USH2A: variants seen among roughly 807,000 people sequenced by gnomAD.
USH2A encodes the protein usherin.
A neutral mutation model predicts 538.9 loss-of-function variants in USH2A; 443 were observed. That is an observed-to-expected ratio of 0.82 (90% CI 0.76 to 0.89). The LOEUF is 0.89. Among genes scored for constraint, USH2A ranks in the 40% least tolerant of loss-of-function variants. The pLI is 0.00. For missense variants in USH2A, 6,633 were observed against 6,324.8 expected (o/e 1.05, Z -1.65); for synonymous variants, 2,413 against 2,273.5 (o/e 1.06, Z -1.75).
At chr1:215,874,076 A>C (rs2102447084) in intron 43 of USH2A, among the ~76,000 whole-genome samples, 1 of 152,294 alleles carries the variant, frequency 6.6e-6, no homozygotes, top group African/African-American at 2.4e-5. Context: ...GGTGCTGAAA[A>C]TTGTGAAGGT....
chr1:215,974,248 C>T (rs1426752163), intron 35 of USH2A, among the ~76,000 whole-genome samples: 1 of 152,064 alleles, frequency 6.6e-6, no homozygotes, highest in African/African-American at 2.4e-5. Context: ...AACAGAGTAA[C>T]AAAAACTAAC....
At chr1:215,952,571 T>C (rs579605) in intron 37 of USH2A, among the ~76,000 whole-genome samples, 129,225 of 152,088 alleles carry the variant, frequency 0.85, 55,044 homozygotes, top group East Asian at 0.98. Flanking sequence ...TTAGGGCAGG[T>C]GTGGTGGTGA....
chr1:215,782,276 T>A (rs978907713), intron 53 of USH2A, 80 bp from the exon 54 acceptor site: 3 of 1,459,250 alleles, frequency 2.1e-6, no homozygotes, highest in South Asian at 2.3e-5. Context: ...ATCTTAGTGT[T>A]CGGAAGAAAT....
intron 57 of USH2A, among the ~76,000 whole-genome samples, chr1:215,759,129 T>C (rs184600592): frequency 9.8e-5 from 15 of 152,326 alleles, no homozygotes; most frequent in African/African-American, 3.6e-4. Flanking sequence ...TGCTATTCCT[T>C]ACAATAAAAT....
intron 9 of USH2A, among the ~76,000 whole-genome samples, chr1:216,298,461 C>T (rs2037148547): frequency 6.6e-6 from 1 of 152,182 alleles, no homozygotes; most frequent in East Asian, 1.9e-4. Context: ...AATGCTGTAT[C>T]AATGTCCAAA....
chr1:215,866,880 T>G, intron 44 of USH2A, 127 bp downstream of exon 44: 2 of 1,324,300 alleles, frequency 1.5e-6, no homozygotes, highest in South Asian at 2.6e-5. Context: ...AATCTGCAAT[T>G]GGTAAAAATT....
chr1:216,359,654 T>C (rs922921877), intron 4 of USH2A, among the ~76,000 whole-genome samples: 4 of 152,052 alleles, frequency 2.6e-5, no homozygotes, highest in Non-Finnish European at 4.4e-5. Flanking sequence ...CAAAAATATC[T>C]ACAGGAGATA....
intron 11 of USH2A, among the ~76,000 whole-genome samples, chr1:216,271,811 C>G (rs1318262609): frequency 6.6e-6 from 1 of 152,052 alleles, no homozygotes; most frequent in African/African-American, 2.4e-5. Context: ...TGGCTTACTA[C>G]ATTAACTGAT....
At chr1:215,705,623 A>G (rs1571973153) in intron 61 of USH2A, among the ~76,000 whole-genome samples, 1 of 152,274 alleles carries the variant, frequency 6.6e-6, no homozygotes, top group East Asian at 1.9e-4. Context: ...CCTATGGTAA[A>G]AGGTCAGTGC....
intron 32 of USH2A, among the ~76,000 whole-genome samples, chr1:216,031,505 C>A (rs2102511950): frequency 6.6e-6 from 1 of 152,216 alleles, no homozygotes; most frequent in South Asian, 2.1e-4. Flanking sequence ...ATCCTTTTGC[C>A]ATCTGTATTG....
intron 4 of USH2A, among the ~76,000 whole-genome samples, chr1:216,350,753 T>C (rs2038266098): frequency 6.6e-6 from 1 of 152,126 alleles, no homozygotes; most frequent in Non-Finnish European, 1.5e-5. Flanking sequence ...AGTTTTTCCT[T>C]GCTGAGGGTG....
intron 35 of USH2A, among the ~76,000 whole-genome samples, chr1:215,981,939 G>A (rs1266180039): frequency 6.6e-6 from 1 of 152,228 alleles, no homozygotes; most frequent in African/African-American, 2.4e-5. Flanking sequence ...GCAAGTTGCA[G>A]AACAGGATAA....
chr1:216,130,644 TAC>T (rs997311395), intron 21 of USH2A, among the ~76,000 whole-genome samples: 1 of 147,788 alleles, frequency 6.8e-6, no homozygotes, highest in Non-Finnish European at 1.5e-5. Flanking sequence ...ACTATACATA[TAC>T]ACACATATAT....
intron 38 of USH2A, among the ~76,000 whole-genome samples, chr1:215,919,328 T>C (rs910947104): frequency 1.3e-5 from 2 of 152,114 alleles, no homozygotes; most frequent in African/African-American, 4.8e-5. Context: ...TGCATCACGT[T>C]GTATCTATTG....
chr1:215,935,242 G>A (rs1325566992), intron 37 of USH2A, among the ~76,000 whole-genome samples: 1 of 151,750 alleles, frequency 6.6e-6, no homozygotes, highest in Admixed American at 6.6e-5. Context: ...GAATTGTTCT[G>A]GATATACGTA....
At chr1:215,676,708 C>A (rs927282828) in intron 62 of USH2A, among the ~76,000 whole-genome samples, 3 of 152,156 alleles carry the variant, frequency 2.0e-5, no homozygotes, top group African/African-American at 7.2e-5. Context: ...AAGACCACCC[C>A]CATGTGGGAA....
rs144220935 is a variant in USH2A at position 216,054,749 on chromosome 1, G to A, written c.6050-6102C>T. Among the ~76,000 whole-genome samples, 507 of 152,082 alleles carry A rather than the reference G, an allele frequency of 3.3e-3. 4 individuals are homozygous for A. Among genetic ancestry groups the A allele is most frequent in the Non-Finnish European group, 2.7e-3 (185 of 68,002 alleles). On this transcript the variant is annotated intron_variant, in intron 30 of 71. Coordinates refer to ENST00000307340, the MANE Select transcript of USH2A (RefSeq NM_206933.4). ...CCTTCATTATGTTAATCTGTGGGCG[G>A]AAAGATTTCTGTCATCTTCGAATCG...
chr1:216,253,755 A>C (rs2036207686), intron 11 of USH2A, among the ~76,000 whole-genome samples: 1 of 152,258 alleles, frequency 6.6e-6, no homozygotes, highest in African/African-American at 2.4e-5. Context: ...AAACAAACAA[A>C]CAAATTGTAG....
At chr1:216,112,350 A>G (rs942054015) in intron 21 of USH2A, among the ~76,000 whole-genome samples, 1 of 152,200 alleles carries the variant, frequency 6.6e-6, no homozygotes, top group Non-Finnish European at 1.5e-5. Context: ...GATTAGGATT[A>G]AAAAGTAGGG....
Sources: gnomAD v4.1 joint callset for allele counts (sites outside exome capture counted in the v4.1 genomes callset) on GRCh38, gnomAD v4.1.1 for gene constraint, MANE v1.5 for transcripts, NCBI Gene and HGNC (gene_info 2026-07-23, HGNC 2026-07-21) for gene names.